KLRG1: variants seen among roughly 807,000 people sequenced by gnomAD.
KLRG1 encodes killer cell lectin-like receptor subfamily G member 1.
In KLRG1, 16 loss-of-function variants were observed where a neutral mutation model predicts 21.8. The ratio of observed to expected loss-of-function variants is 0.73; its 90% CI spans 0.50 to 1.11. KLRG1 has a LOEUF of 1.11. Ranked by LOEUF, KLRG1 falls within the 50% of genes most tolerant of loss-of-function variation. KLRG1 has a pLI of 0.00. For synonymous variants in KLRG1, 69 were observed against 75.9 expected, an observed-to-expected ratio of 0.91 and a Z score of 0.47; for missense variants, 173 against 218.3, an observed-to-expected ratio of 0.79 and a Z score of 1.31.
At chr12:9,196,910 T>A in the KLRG1 span, 1 of 962,096 alleles carries the variant, frequency 1.0e-6, no homozygotes. Flanking sequence ...GTGGGGGATA[T>A]TTTGCGACAA....
the KLRG1 span, chr12:9,202,314 C>G: frequency 6.2e-7 from 1 of 1,611,972 alleles, no homozygotes; most frequent in Non-Finnish European, 8.5e-7. Flanking sequence ...ATAGTGGATG[C>G]TTACCAGTTC....
At chr12:9,144,724 G>C in the KLRG1 span, among the ~76,000 whole-genome samples, 12 of 152,270 alleles carry the variant, frequency 7.9e-5, no homozygotes, top group Non-Finnish European at 1.5e-4. Context: ...GAAGTTTATT[G>C]TGGGGTTGGA....
downstream of KLRG1, chr12:9,010,881 GC>G (rs1186514095): frequency 2.0e-5 from 3 of 152,186 alleles, no homozygotes; most frequent in Non-Finnish European, 4.4e-5. Context: ...CTCTACAAAG[GC>G]AAAGGGCCAG....
intron 3 of KLRG1, among the ~76,000 whole-genome samples, chr12:9,007,392 C>T (rs920225813): frequency 6.6e-6 from 1 of 152,148 alleles, no homozygotes; most frequent in Non-Finnish European, 1.5e-5. Flanking sequence ...TCCCAAGTAG[C>T]TGGGATTACA....
chr12:9,067,331 T>C, the KLRG1 span: 1 of 211,274 alleles, frequency 4.7e-6, no homozygotes, highest in African/African-American at 2.4e-5. Flanking sequence ...TCACTCCCAA[T>C]TCAGGTCAAG....
At chr12:9,058,235 TTATC>T in the KLRG1 span, 1 of 152,190 alleles carries the variant, frequency 6.6e-6, no homozygotes, top group Admixed American at 6.5e-5. Flanking sequence ...TCTACCTTAT[TTATC>T]TATTATCTAT....
At chr12:8,970,738 G>A (rs937381986) in intron 1 of KLRG1, among the ~76,000 whole-genome samples, 2 of 152,170 alleles carry the variant, frequency 1.3e-5, no homozygotes, top group Non-Finnish European at 2.9e-5. Context: ...TGTTAGGTTA[G>A]TTGTAGGTTT....
chr12:8,991,704 A>T (rs1946973124), intron 1 of KLRG1, among the ~76,000 whole-genome samples: 1 of 152,152 alleles, frequency 6.6e-6, no homozygotes, highest in African/African-American at 2.4e-5. Flanking sequence ...CACTTTATGG[A>T]TATATCAAAA....
At chr12:9,112,213 T>A in the KLRG1 span, 5 of 1,613,782 alleles carry the variant, frequency 3.1e-6, no homozygotes, top group Non-Finnish European at 4.2e-6. Flanking sequence ...GAAATTTCAC[T>A]GAAACAGAAA....
the KLRG1 span, chr12:9,106,709 A>C: frequency 1.8e-6 from 1 of 551,158 alleles, no homozygotes; most frequent in Admixed American, 3.1e-5. Flanking sequence ...AACATCATGT[A>C]GGCATTTTCT....
chr12:8,972,282 C>T (rs944761681), intron 1 of KLRG1, among the ~76,000 whole-genome samples: 20 of 152,252 alleles, frequency 1.3e-4, no homozygotes, highest in Admixed American at 2.6e-4. Context: ...CTCAGCCTCC[C>T]GAGTAGCTGG....
At chr12:9,155,359 A>T in the KLRG1 span, among the ~76,000 whole-genome samples, 1 of 152,120 alleles carries the variant, frequency 6.6e-6, no homozygotes, top group Non-Finnish European at 1.5e-5. Flanking sequence ...TCCAGAGTTA[A>T]CTACTTCCAT....
the KLRG1 span, among the ~76,000 whole-genome samples, chr12:9,099,889 C>G: frequency 6.6e-6 from 1 of 152,184 alleles, no homozygotes; most frequent in Non-Finnish European, 1.5e-5. Flanking sequence ...GCTCTTTAAC[C>G]TTCTATGAGC....
chr12:9,156,910 C>CTATT, the KLRG1 span, among the ~76,000 whole-genome samples: 1 of 151,768 alleles, frequency 6.6e-6, no homozygotes, highest in Non-Finnish European at 1.5e-5. Flanking sequence ...TATTATTTAT[C>CTATT]TATTTATTTA....
the KLRG1 span, chr12:9,160,629 A>G: frequency 1.2e-6 from 1 of 800,312 alleles, no homozygotes; most frequent in South Asian, 1.8e-5. Context: ...GACTTCCAGA[A>G]TCCTAATAAG....
the KLRG1 span, among the ~76,000 whole-genome samples, chr12:9,177,695 C>T: frequency 1.3e-5 from 2 of 152,166 alleles, no homozygotes; most frequent in Admixed American, 6.5e-5. Flanking sequence ...AAAGCGACCA[C>T]GCTTAAACGT....
the KLRG1 span, among the ~76,000 whole-genome samples, chr12:9,045,494 A>G: frequency 6.6e-6 from 1 of 152,326 alleles, no homozygotes; most frequent in South Asian, 2.1e-4. Context: ...AGCACTTTAA[A>G]AGGCAAAAAA....
At chr12:9,047,945 C>G in the KLRG1 span, among the ~76,000 whole-genome samples, 2 of 152,242 alleles carry the variant, frequency 1.3e-5, no homozygotes, top group African/African-American at 4.8e-5. Context: ...ACCCATTTAT[C>G]AGTAACTGAC....
At chr12:9,089,773 A>G in the KLRG1 span, 1 of 715,468 alleles carries the variant, frequency 1.4e-6, no homozygotes, top group South Asian at 4.6e-5. Context: ...AACAAAACAG[A>G]AAGTAAATCA....
Sources: gnomAD v4.1 joint callset for allele counts (sites outside exome capture counted in the v4.1 genomes callset) on GRCh38, gnomAD v4.1.1 for gene constraint, MANE v1.5 for transcripts, NCBI Gene and HGNC (gene_info 2026-07-23, HGNC 2026-07-21) for gene names.